Variants in LOC730098 observed in about 807,000 individuals in gnomAD.
At chr9:34,665,532 A>AC in the LOC730098 span, 24 of 232,988 alleles carry the variant, frequency 1.0e-4, no homozygotes, top group Admixed American at 4.6e-4. Context: ...CGCCCTGCCC[A>AC]CCCCTCGCCC....
the LOC730098 span, chr9:34,665,493 T>C: frequency 1.4e-6 from 1 of 696,566 alleles, no homozygotes; most frequent in African/African-American, 1.8e-5. Flanking sequence ...TAAAAGCGGC[T>C]CCCTTCGCGC....
At chr9:34,665,528 G>GGCCCC in the LOC730098 span, 4 of 679,600 alleles carry the variant, frequency 5.9e-6, no homozygotes, top group Non-Finnish European at 2.7e-6. Flanking sequence ...GGCTCGCCCT[G>GGCCCC]CCCACCCCTC....
chr9:34,665,031 G>A, the LOC730098 span: 5 of 591,436 alleles, frequency 8.5e-6, no homozygotes, highest in East Asian at 2.9e-5. Flanking sequence ...GGTGGGCTTC[G>A]GTTTAAATCT....
the LOC730098 span, chr9:34,664,937 C>T: frequency 2.1e-6 from 1 of 476,108 alleles, no homozygotes; most frequent in Non-Finnish European, 3.7e-6. Context: ...GGAGGGACGC[C>T]CTGTCAGTAC....
chr9:34,665,989 G>C, the LOC730098 span: 2 of 428,832 alleles, frequency 4.7e-6, no homozygotes, highest in South Asian at 5.2e-5. Context: ...TGGAGGGGGG[G>C]CTGAGAGGGG....
the LOC730098 span, chr9:34,665,982 A>T: frequency 2.4e-6 from 1 of 422,058 alleles, no homozygotes; most frequent in Non-Finnish European, 4.3e-6. Context: ...GGTCACCTGG[A>T]GGGGGGGCTG....
the LOC730098 span, chr9:34,665,311 C>T: frequency 7.1e-6 from 5 of 702,246 alleles, no homozygotes; most frequent in East Asian, 1.3e-4. Flanking sequence ...GCAGCCTCCT[C>T]ACCTCCGCTC....
the LOC730098 span, chr9:34,664,618 T>G: frequency 6.3e-6 from 1 of 158,088 alleles, no homozygotes; most frequent in African/African-American, 2.4e-5. Context: ...GTAGGAAAGG[T>G]CGCCAACCCA....
chr9:34,665,482 C>G, the LOC730098 span: 1 of 696,476 alleles, frequency 1.4e-6, no homozygotes, highest in East Asian at 2.7e-5. Flanking sequence ...CGCCCCGCCT[C>G]TAAAAGCGGC....
the LOC730098 span, chr9:34,665,602 C>G: frequency 1.4e-6 from 1 of 701,032 alleles, no homozygotes; most frequent in East Asian, 2.7e-5. Flanking sequence ...GCAGAACCCG[C>G]CTCCACTCAC....
chr9:34,665,209 C>T, the LOC730098 span: 1 of 664,404 alleles, frequency 1.5e-6, no homozygotes, highest in Non-Finnish European at 2.7e-6. Flanking sequence ...CGACCCGACA[C>T]TGGCATGAGG....
At chr9:34,665,855 G>A in the LOC730098 span, 60 of 599,218 alleles carry the variant, frequency 1.0e-4, no homozygotes, top group East Asian at 1.3e-3. Flanking sequence ...TGGAAGTTAA[G>A]GGGTGAGGAG....
the LOC730098 span, chr9:34,665,620 C>T: frequency 1.4e-6 from 1 of 701,376 alleles, no homozygotes; most frequent in Non-Finnish European, 2.6e-6. Flanking sequence ...CACTCCTCCT[C>T]CGCCTCCAGC....
At chr9:34,665,377 CAGAG>C in the LOC730098 span, 1 of 695,762 alleles carries the variant, frequency 1.4e-6, no homozygotes, top group South Asian at 1.5e-5. Flanking sequence ...GTAGATCCTG[CAGAG>C]AGAGGGCAGA....
the LOC730098 span, chr9:34,665,638 C>T: frequency 4.3e-6 from 3 of 701,344 alleles, no homozygotes; most frequent in South Asian, 4.4e-5. Flanking sequence ...AGCGCCACCT[C>T]GTATCTCCTC....
At chr9:34,665,483 T>C in the LOC730098 span, 1 of 696,348 alleles carries the variant, frequency 1.4e-6, no homozygotes, top group Non-Finnish European at 2.6e-6. Context: ...GCCCCGCCTC[T>C]AAAAGCGGCT....
the LOC730098 span, chr9:34,665,019 A>G: frequency 1.0e-5 from 6 of 590,010 alleles, no homozygotes; most frequent in Admixed American, 9.5e-5. Flanking sequence ...GGAGGTCAGT[A>G]CGGTGGGCTT....
chr9:34,665,455 G>T, the LOC730098 span: 1 of 688,490 alleles, frequency 1.5e-6, no homozygotes, highest in South Asian at 1.5e-5. Flanking sequence ...GCGGTGCCTC[G>T]CCGTCGAGGA....
At chr9:34,665,944 G>T in the LOC730098 span, 1 of 522,030 alleles carries the variant, frequency 1.9e-6, no homozygotes, top group African/African-American at 1.9e-5. Context: ...GAGATTTGGG[G>T]CCCTGGGTGA....
Sources: gnomAD v4.1 joint callset for allele counts on GRCh38, gnomAD v4.1.1 for gene constraint, MANE v1.5 for transcripts.